MYOZ2: variants seen among roughly 807,000 people sequenced by gnomAD.
MYOZ2 encodes myozenin 2.
A neutral mutation model predicts 25.4 loss-of-function variants in MYOZ2; 19 were observed. The observed-to-expected ratio is 0.75, with a 90% confidence interval of 0.52 to 1.10. The LOEUF is 1.10. Among genes scored for constraint, MYOZ2 ranks in the 50% least tolerant of loss-of-function variants. MYOZ2 has a pLI of 0.00. For missense variants in MYOZ2, 270 were observed against 317.9 expected (o/e 0.85, Z 1.15); for synonymous variants, 92 against 106.9 (o/e 0.86, Z 0.86).
intron 1 of MYOZ2, 69 bp from the exon 2 acceptor site, chr4:119,136,443 A>G: frequency 7.5e-7 from 1 of 1,338,356 alleles, no homozygotes; most frequent in Non-Finnish European, 1.1e-6. Context: ...GTCTTTCAAA[A>G]CAGTGATTAT....
At chr4:119,139,825 A>G (rs1175114856) in intron 2 of MYOZ2, among the ~76,000 whole-genome samples, 1 of 152,172 alleles carries the variant, frequency 6.6e-6, no homozygotes, top group Non-Finnish European at 1.5e-5. Flanking sequence ...CAGTCACCCT[A>G]CAGTCCTCTC....
intron 2 of MYOZ2, among the ~76,000 whole-genome samples, chr4:119,150,290 T>C (rs1345873262): frequency 6.6e-6 from 1 of 152,088 alleles, no homozygotes; most frequent in African/African-American, 2.4e-5. Context: ...TAATTATGAA[T>C]AAAAATTTTA....
chr4:119,148,637 C>T (rs903438772), intron 2 of MYOZ2, among the ~76,000 whole-genome samples: 6 of 151,624 alleles, frequency 4.0e-5, no homozygotes, highest in East Asian at 3.9e-4. Flanking sequence ...ACTATTGAGC[C>T]CATTCACTGA....
intron 4 of MYOZ2, among the ~76,000 whole-genome samples, chr4:119,162,336 G>A (rs1325481629): frequency 6.6e-6 from 1 of 152,190 alleles, no homozygotes; most frequent in Non-Finnish European, 1.5e-5. Flanking sequence ...GAGTGGTTGC[G>A]ATTTTGTCCT....
chr4:119,167,550 G>A (rs1741849496), intron 5 of MYOZ2, among the ~76,000 whole-genome samples: 1 of 152,220 alleles, frequency 6.6e-6, no homozygotes, highest in Non-Finnish European at 1.5e-5. Flanking sequence ...AGTGGCTACA[G>A]TAAATAACAG....
At chr4:119,164,476 G>T in intron 5 of MYOZ2, 82 bp downstream of exon 5, 1 of 1,400,452 alleles carries the variant, frequency 7.1e-7, no homozygotes, top group Non-Finnish European at 1.0e-6. Context: ...GAATTCCCTG[G>T]TAGAAAGCAA....
chr4:119,176,273 T>C (rs1486682990), intron 5 of MYOZ2, among the ~76,000 whole-genome samples: 1 of 152,052 alleles, frequency 6.6e-6, no homozygotes, highest in Non-Finnish European at 1.5e-5. Flanking sequence ...CAGGCTGGAG[T>C]GCAGTGGTGT....
intron 5 of MYOZ2, among the ~76,000 whole-genome samples, chr4:119,169,508 T>C (rs1163567211): frequency 6.6e-6 from 1 of 152,248 alleles, no homozygotes; most frequent in Non-Finnish European, 1.5e-5. Context: ...AAATGAGTTT[T>C]AAAAATGGTT....
At chr4:119,177,871 A>G (rs1742111320) in intron 5 of MYOZ2, among the ~76,000 whole-genome samples, 1 of 152,150 alleles carries the variant, frequency 6.6e-6, no homozygotes, top group African/African-American at 2.4e-5. Context: ...AATGCCTCCC[A>G]TCTTTAATAA....
chr4:119,153,463 G>A (rs1272345129), intron 3 of MYOZ2, among the ~76,000 whole-genome samples: 2 of 152,066 alleles, frequency 1.3e-5, no homozygotes, highest in Non-Finnish European at 2.9e-5. Context: ...TGAAAGATAA[G>A]AGAGCTTTTA....
intron 2 of MYOZ2, among the ~76,000 whole-genome samples, chr4:119,145,506 C>CTGTGTG (rs200111377): frequency 0.01 from 1,283 of 128,188 alleles, 23 homozygotes; most frequent in East Asian, 0.045. Context: ...CCAGCTAAAA[C>CTGTGTG]TGTGTGTGTG....
At chr4:119,161,995 G>A (rs1741719249) in intron 4 of MYOZ2, among the ~76,000 whole-genome samples, 2 of 152,072 alleles carry the variant, frequency 1.3e-5, no homozygotes, top group African/African-American at 4.8e-5. Flanking sequence ...TTCAACTCCA[G>A]GAAAGGAATA....
chr4:119,174,828 C>T (rs532677135), intron 5 of MYOZ2, among the ~76,000 whole-genome samples: 1 of 152,232 alleles, frequency 6.6e-6, no homozygotes, highest in African/African-American at 2.4e-5. Flanking sequence ...TTTGGGTCCA[C>T]GCTGCTTTTA....
At chr4:119,182,235 C>T (rs925106209) in intron 5 of MYOZ2, among the ~76,000 whole-genome samples, 41 of 152,210 alleles carry the variant, frequency 2.7e-4, no homozygotes, top group Non-Finnish European at 4.1e-4. Context: ...CAGCAACAAA[C>T]ATATTTAGCT....
chr4:119,167,119 A>G (rs1741840735), intron 5 of MYOZ2, among the ~76,000 whole-genome samples: 1 of 152,246 alleles, frequency 6.6e-6, no homozygotes. Flanking sequence ...AAGCAGAGAT[A>G]AGCTGAAAGC....
intron 5 of MYOZ2, among the ~76,000 whole-genome samples, chr4:119,179,696 T>A (rs10014363): frequency 6.6e-6 from 1 of 152,270 alleles, no homozygotes; most frequent in Non-Finnish European, 1.5e-5. Flanking sequence ...GAACAGAAAT[T>A]TATTTCCTCA....
At chr4:119,158,239 A>G (rs2149223479) in intron 4 of MYOZ2, 88 bp downstream of exon 4, 4 of 1,491,704 alleles carry the variant, frequency 2.7e-6, no homozygotes, top group Non-Finnish European at 9.3e-7. Context: ...ATTGAATAGT[A>G]TTTAAATAAT....
At chr4:119,158,683 T>C (rs1030944125) in intron 4 of MYOZ2, among the ~76,000 whole-genome samples, 1 of 152,228 alleles carries the variant, frequency 6.6e-6, no homozygotes, top group Non-Finnish European at 1.5e-5. Context: ...ACCTGCTATA[T>C]TGAAAATTAT....
intron 2 of MYOZ2, among the ~76,000 whole-genome samples, chr4:119,139,089 C>T (rs866095538): frequency 1.2e-4 from 19 of 152,280 alleles, no homozygotes; most frequent in African/African-American, 4.3e-4. Flanking sequence ...CAAATTGTTG[C>T]TCATTTTGAA....
Sources: allele counts gnomAD v4.1 joint callset (sites outside exome capture counted in the v4.1 genomes callset), GRCh38; gene constraint gnomAD v4.1.1; transcripts MANE v1.5; gene names NCBI Gene and HGNC (gene_info 2026-07-23, HGNC 2026-07-21).